The following MTMR11 variants were observed in gnomAD, a reference collection of about 807,000 sequenced individuals.
MTMR11 encodes the protein myotubularin related protein 11.
MTMR11 carries 89 observed loss-of-function variants against 100.0 expected under a neutral mutation model. The ratio of observed to expected loss-of-function variants is 0.89; its 90% CI spans 0.75 to 1.06. The LOEUF (loss-of-function observed/expected upper bound fraction) is 1.06. MTMR11 is among the 50% of genes least tolerant of loss of function. The pLI, the probability that MTMR11 is intolerant of heterozygous loss-of-function variation, is 0.00. For missense variants in MTMR11, 809 were observed against 873.7 expected (o/e 0.93, Z 0.93); for synonymous variants, 336 against 326.3 (o/e 1.03, Z -0.32).
intron 2 of MTMR11, 25 bp from the exon 3 acceptor site, chr1:149,935,730 G>C (rs2092713186): frequency 6.4e-7 from 1 of 1,560,030 alleles, no homozygotes; most frequent in African/African-American, 1.4e-5. Context: ...GGGAAGCCCT[G>C]TTATGACTGT....
chr1:149,934,675 T>C lies in MTMR11; in HGVS notation c.469-149A>G, dbSNP rs886809817. ...TAGAGAAGGGGGCTTCCTCAGGTCA[T>C]GGGGACTGGGGTCGGGAGAACAAAT... is the stretch of plus-strand genomic sequence containing the variant. On this transcript the variant is annotated intron_variant, in intron 5 of 16. Transcript: ENST00000439741. The C allele has an allele frequency of 5.2e-5, 44 of 852,820 alleles. No individual in the cohort carries two copies. The East Asian group carries it at 1.0e-3, about 20-fold the overall frequency. The allele number at this position is 852,820 out of a possible 1,614,324, so 52.8% of individuals were successfully genotyped here.
At chr1:149,936,427 G>C (rs1365107804) in intron 1 of MTMR11, 155 bp downstream of exon 1, 1 of 1,429,628 alleles carries the variant, frequency 7.0e-7, no homozygotes, top group Admixed American at 2.7e-5. Flanking sequence ...CAACGAACTT[G>C]AGACTGAGAA....
chr1:149,936,796 G>C lies in MTMR11; in HGVS notation c.-149C>G. The C allele has an allele frequency of 3.0e-6, 2 of 661,312 alleles. No individual in the cohort carries two copies. The highest frequency in any genetic ancestry group is 3.3e-5 in the South Asian group (2 of 59,934). The allele number at this position is 661,312 out of a possible 1,614,324, so 41.0% of individuals were successfully genotyped here. ...GACACAAGGGAAAGGAGCATTTGAC[G>C]TGCACGGAGCAGAGTTTGGGGGTCC... is the stretch of plus-strand genomic sequence containing the variant. On this transcript the variant is annotated 5_prime_UTR_variant, in exon 1 of 17. Transcript: ENST00000439741.
chr1:149,933,286 A>G, intron 10 of MTMR11, 120 bp downstream of exon 10: 2 of 1,372,568 alleles, frequency 1.5e-6, no homozygotes, highest in South Asian at 2.8e-5. Context: ...AAGAAAAGAA[A>G]AGAAAACGGG....
In MTMR11 at chr1:149,929,045, G is replaced by C; in HGVS notation, c.*84C>G. Reference sequence around the variant, plus strand: ...TGCAGCAGAAACTCAGACCTTCTTAGTGAACTTAAGGGCTGAAGTGTGAAA... The same window carrying C: ...TGCAGCAGAAACTCAGACCTTCTTACTGAACTTAAGGGCTGAAGTGTGAAA... On this transcript the variant is annotated 3_prime_UTR_variant, in exon 17 of 17. Transcript: ENST00000439741. 6.3e-7 allele frequency: 1 copy of C among 1,588,468 alleles called. No individual in the cohort carries two copies. Among genetic ancestry groups the C allele is most frequent in the South Asian group, 1.1e-5 (1 of 88,086 alleles).
rs143254889 is a variant in MTMR11 at position 149,935,009 on chromosome 1, C to T, written c.445G>A (p.Gly149Ser). The T allele has an allele frequency of 4.2e-4, 674 of 1,613,972 alleles. 3 individuals are homozygous for T. In the African/African-American group the frequency reaches 8.3e-3, roughly 20 times the overall value. The change falls in exon 5 of 17, where the codon GGC becomes AGC. Residue 149 changes from glycine (G) to serine (S), a missense_variant. By Grantham distance (56) the Gly-to-Ser change is moderately conservative. Transcript: ENST00000439741. ...RLLRVGFEAG[G>S]LEPQAFQVTM... ...ACCTGAAAAGCCTGAGGCTCTAGGCCTCCAGCCTCAAAACCAACTCTGAGC... is the reference window on the plus strand; with the variant it reads ...ACCTGAAAAGCCTGAGGCTCTAGGCTTCCAGCCTCAAAACCAACTCTGAGC...
rs782085721 is a variant in MTMR11, at chr1:149,933,602, T to C, written c.860+8A>G. ...AACCCTTGATTCTTCTCATCAAGCC[T>C]CCCTCACCTGATATCCTCCTTGTTA... On this transcript the variant is annotated splice_region_variant and intron_variant, in intron 9 of 16. Transcript: ENST00000439741. 1 of 1,614,134 alleles carries C rather than the reference T, an allele frequency of 6.2e-7. No homozygotes were observed. The highest frequency in any genetic ancestry group is 1.7e-5 in the Admixed American group (1 of 60,018).
Position 149,929,288 on chromosome 1 carries a change from G to A in MTMR11, c.1971C>T (p.Gly657=), listed in dbSNP as rs782124336. 1 of 1,613,930 alleles carries A rather than the reference G, an allele frequency of 6.2e-7. No individual in the cohort carries two copies. The highest frequency in any genetic ancestry group is 8.5e-7 in the Non-Finnish European group (1 of 1,179,960). ...QMGLSAPTIS[G]LQDELSHLQE... ...GAAGATGGGATAGCTCATCCTGGAG[G>A]CCAGAGATTGTGGGAGCTGAGAGGC... Residue 657 remains glycine (G), a synonymous_variant, in exon 17 of 17, where the codon GGC becomes GGT. Transcript: ENST00000439741.
At position 149,929,318 on chromosome 1, in the gene MTMR11, C is replaced by G. The variant is rs1553766833; in HGVS notation, c.1942-1G>C. The G allele has an allele frequency of 1.2e-6, 2 of 1,613,072 alleles. No homozygotes were observed. The highest frequency in any genetic ancestry group is 1.7e-6 in the Non-Finnish European group (2 of 1,179,190). On this transcript the variant is annotated splice_acceptor_variant, in intron 16 of 16. Transcript: ENST00000439741. LOFTEE classifies it high-confidence loss of function. ...AGATTGTGGGAGCTGAGAGGCCCAT[C>G]TGGGGAGGAGGCAAAGAGGAACAGA...
Position 149,928,776 on chromosome 1 carries a change from C to T in MTMR11, c.*353G>A, listed in dbSNP as rs2092614179. On this transcript the variant is annotated 3_prime_UTR_variant, in exon 17 of 17. Coordinates refer to ENST00000439741, the MANE Select transcript of MTMR11 (RefSeq NM_001145862.2). ...GAAAACTATAAGGGAAGAAATAGAACTTGGAATTAAAGCAGCAGCAAGGCG... is the reference window on the plus strand; with the variant it reads ...GAAAACTATAAGGGAAGAAATAGAATTTGGAATTAAAGCAGCAGCAAGGCG... The T allele has an allele frequency of 8.0e-7, 1 of 1,253,082 alleles. No individual in the cohort carries two copies. Among genetic ancestry groups the T allele is most frequent in the South Asian group, 1.2e-5 (1 of 82,910 alleles). 77.6% of individuals were successfully genotyped at this position (1,253,082 alleles called of 1,614,324 possible). A position where few individuals can be genotyped will look rare whatever the true frequency, so the allele number is the denominator to read the frequency against.
At chr1:149,931,917 T>C (rs782130212) in intron 12 of MTMR11, 27 bp downstream of exon 12, 1 of 1,581,290 alleles carries the variant, frequency 6.3e-7, no homozygotes, top group South Asian at 1.1e-5. Context: ...AGGCAAGGAA[T>C]GGAATGGGCT....
rs782760528 is a variant in MTMR11 at position 149,933,844 on chromosome 1, A to G, written c.771+11T>C. On this transcript the variant is annotated intron_variant, in intron 8 of 16. Transcript: ENST00000439741. Reference sequence around the variant, plus strand: ...CTAATCCACAGCCATTACCCTAACCATCACACTGACCGGTCCACGGCCCTG... The same window carrying G: ...CTAATCCACAGCCATTACCCTAACCGTCACACTGACCGGTCCACGGCCCTG... 1.9e-6 allele frequency: 3 copies of G among 1,613,500 alleles called. No individual in the cohort carries two copies. The highest frequency in any genetic ancestry group is 2.2e-5 in the South Asian group (2 of 91,074).
Position 149,931,705 on chromosome 1 carries a change from C to T in MTMR11, c.1123+239G>A, listed in dbSNP as rs147033778. On this transcript the variant is annotated intron_variant, in intron 12 of 16. Transcript: ENST00000439741. ...CACACTGCCCTTCCCACCCCAACCC[C>T]AGTCTCCATCCGCTGATGGAAGGAA... 384 of 580,630 alleles carry T rather than the reference C, an allele frequency of 6.6e-4. No individual in the cohort carries two copies. The African/African-American group carries it at 6.7e-3, about 10-fold the overall frequency. The allele number at this position is 580,630 out of a possible 1,614,324, so 36.0% of individuals were successfully genotyped here.
Position 149,933,451 on chromosome 1 carries a change from C to A in MTMR11, c.940G>T (p.Asp314Tyr). 6.2e-7 allele frequency: 1 copy of A among 1,614,166 alleles called. No individual in the cohort carries two copies. Among genetic ancestry groups the A allele is most frequent in the Non-Finnish European group, 8.5e-7 (1 of 1,180,034 alleles). The change falls in exon 10 of 17, where the codon GAT (aspartate) becomes TAT (tyrosine). Residue 314 changes from aspartate to tyrosine, a missense_variant. Asp to Tyr is a radical substitution (Grantham distance 160, BLOSUM62 -3). Coordinates refer to ENST00000439741, the MANE Select transcript of MTMR11 (RefSeq NM_001145862.2). Reference protein sequence around the residue: ...DTMDELPSLADVQLAHLRLRA... With the variant: ...DTMDELPSLAYVQLAHLRLRA... ...AGCCTCAGGTGGGCAAGTTGGACAT[C>A]TGCAAGGCTGGGCAGCTCATCCATA...
chr1:149,930,576 G>GTGTGTAACCATCCTT, intron 14 of MTMR11, 29 bp from the exon 15 acceptor site: 1 of 1,571,804 alleles, frequency 6.4e-7, no homozygotes, highest in Non-Finnish European at 8.7e-7. Flanking sequence ...AAAAAGGATG[G>GTGTGTAACCATCCTT]TTACACACAA....
intron 16 of MTMR11, 32 bp downstream of exon 16, chr1:149,929,591 T>G (rs2092628175): frequency 6.3e-7 from 1 of 1,587,098 alleles, no homozygotes; most frequent in Non-Finnish European, 8.6e-7. Flanking sequence ...TCAAGTCCCT[T>G]GTCCCACTCC....
Position 149,930,787 on chromosome 1 carries a change from C to T in MTMR11, c.1464+5G>A. The stretch of plus-strand genomic sequence containing the variant: ...AAACACGAGTCAAAAATAGAAGTCA[C>T]TGACCTGTCCGCTCTGCTTTCCGCG... On this transcript the variant is annotated splice_donor_5th_base_variant and intron_variant, in intron 14 of 16. Coordinates refer to ENST00000439741, the MANE Select transcript of MTMR11 (RefSeq NM_001145862.2). 1.3e-6 allele frequency: 2 copies of T among 1,550,190 alleles called. No individual in the cohort carries two copies. Among genetic ancestry groups the T allele is most frequent in the South Asian group, 1.2e-5 (1 of 81,568 alleles).
At chr1:149,936,047 A>T in intron 2 of MTMR11, 107 bp downstream of exon 2, 2 of 1,235,020 alleles carry the variant, frequency 1.6e-6, no homozygotes, top group Non-Finnish European at 2.4e-6. Flanking sequence ...AGGCAGACGT[A>T]CTTCGAGCCA....
chr1:149,932,003 C>T lies in MTMR11; in HGVS notation c.1064G>A (p.Arg355Gln), dbSNP rs587659260. The T allele has an allele frequency of 4.2e-5, 68 of 1,613,656 alleles. No homozygotes were observed. In the South Asian group the frequency reaches 6.2e-4, roughly 15 times the overall value. ...RWLDYVRACL[R>Q]KASDISVLVT... Reference sequence around the variant, plus strand: ...TAATACTGAAATGTCACTGGCCTTTCGAAGACAAGCCCTGGAGGAGCAGGT... The same window carrying T: ...TAATACTGAAATGTCACTGGCCTTTTGAAGACAAGCCCTGGAGGAGCAGGT... Residue 355 changes from arginine (R) to glutamine (Q), a missense_variant, in exon 12 of 17, where the codon CGA becomes CAA. Physicochemically the swap from Arg to Gln is conservative, Grantham distance 43. Transcript: ENST00000439741.
Sources: gnomAD v4.1 joint callset for allele counts on GRCh38, gnomAD v4.1.1 for gene constraint, MANE v1.5 for transcripts, NCBI Gene and HGNC (gene_info 2026-07-23, HGNC 2026-07-21) for gene names.